ST8SIA1: variants seen among roughly 807,000 people sequenced by gnomAD.
ST8SIA1 encodes alpha-N-acetylneuraminide alpha-2,8-sialyltransferase.
ST8SIA1 carries 16 observed loss-of-function variants against 35.9 expected under a neutral mutation model. The observed-to-expected ratio is 0.45, with a 90% confidence interval of 0.30 to 0.68. The LOEUF (loss-of-function observed/expected upper bound fraction) is 0.68. ST8SIA1 is among the 30% of genes least tolerant of loss of function. The pLI is 0.09. For synonymous variants in ST8SIA1, 170 were observed against 169.6 expected (o/e 1.00, Z -0.02); for missense variants, 383 against 453.6 (o/e 0.84, Z 1.41).
intron 2 of ST8SIA1, among the ~76,000 whole-genome samples, chr12:22,285,205 G>T (rs933515670): frequency 2.0e-5 from 3 of 152,184 alleles, no homozygotes; most frequent in Admixed American, 1.3e-4. Context: ...AGGAAGATTT[G>T]AAATGAGGAG....
At chr12:22,222,763 T>C (rs888037808) in intron 4 of ST8SIA1, among the ~76,000 whole-genome samples, 2 of 151,930 alleles carry the variant, frequency 1.3e-5, no homozygotes, top group Admixed American at 6.6e-5. Context: ...TAATATTAAG[T>C]AAGATTCTAA....
chr12:22,257,556 G>A (rs1223923006), intron 2 of ST8SIA1, among the ~76,000 whole-genome samples: 2 of 151,752 alleles, frequency 1.3e-5, no homozygotes, highest in Non-Finnish European at 2.9e-5. Flanking sequence ...GGTGATCAGG[G>A]AGGAGTTCAA....
intron 1 of ST8SIA1, among the ~76,000 whole-genome samples, chr12:22,299,759 T>C (rs1220085839): frequency 6.6e-6 from 1 of 152,120 alleles, no homozygotes; most frequent in Admixed American, 6.6e-5. Context: ...AAGTTCAACT[T>C]TTATTGCATC....
At chr12:22,237,813 ATTAT>A (rs1865493047) in intron 4 of ST8SIA1, among the ~76,000 whole-genome samples, 1 of 151,958 alleles carries the variant, frequency 6.6e-6, no homozygotes, top group Non-Finnish European at 1.5e-5. Flanking sequence ...TAAAATAATT[ATTAT>A]TTATTTATCA....
intron 1 of ST8SIA1, 101 bp from the exon 2 acceptor site, chr12:22,287,394 G>A: frequency 8.3e-7 from 1 of 1,209,512 alleles, no homozygotes; most frequent in Non-Finnish European, 1.1e-6. Context: ...TTACCTCAGT[G>A]CCAGCTCACA....
intron 4 of ST8SIA1, among the ~76,000 whole-genome samples, chr12:22,245,948 C>A (rs1310707962): frequency 6.6e-6 from 1 of 152,204 alleles, no homozygotes; most frequent in Non-Finnish European, 1.5e-5. Flanking sequence ...CCAGGGAGGG[C>A]ATGGAAGCTC....
At chr12:22,325,127 AG>A (rs1452389880) in intron 1 of ST8SIA1, 1 of 269,456 alleles carries the variant, frequency 3.7e-6, no homozygotes, top group East Asian at 6.8e-5. Flanking sequence ...AGTTTTCTAT[AG>A]TAAATATGTA....
chr12:22,322,386 T>C (rs1481856231), intron 1 of ST8SIA1, among the ~76,000 whole-genome samples: 1 of 152,210 alleles, frequency 6.6e-6, no homozygotes, highest in East Asian at 1.9e-4. Flanking sequence ...GCATCGAATA[T>C]ATATTTGTTG....
chr12:22,252,307 C>T (rs527423679), intron 3 of ST8SIA1, among the ~76,000 whole-genome samples: 5 of 152,246 alleles, frequency 3.3e-5, no homozygotes, highest in Admixed American at 6.5e-5. Flanking sequence ...ACCAGACATA[C>T]GACATGCTTT....
chr12:22,213,933 T>G (rs1300472249), intron 4 of ST8SIA1, among the ~76,000 whole-genome samples: 1 of 152,172 alleles, frequency 6.6e-6, no homozygotes, highest in Non-Finnish European at 1.5e-5. Context: ...TTGTTGAATA[T>G]TTATTATTTC....
intron 4 of ST8SIA1, among the ~76,000 whole-genome samples, chr12:22,218,417 A>G (rs994011033): frequency 4.6e-5 from 7 of 152,168 alleles, no homozygotes; most frequent in African/African-American, 1.7e-4. Flanking sequence ...CAGGAGTTCC[A>G]GACCAGCCTG....
chr12:22,253,012 T>C (rs988124088), intron 3 of ST8SIA1, among the ~76,000 whole-genome samples: 1 of 152,194 alleles, frequency 6.6e-6, no homozygotes, highest in Non-Finnish European at 1.5e-5. Context: ...AAACTAATAA[T>C]ACTCAAGAGC....
At chr12:22,324,950 A>C (rs1360390775) in intron 1 of ST8SIA1, 1 of 152,206 alleles carries the variant, frequency 6.6e-6, no homozygotes, top group Non-Finnish European at 1.5e-5. Context: ...GAAAATTCTA[A>C]AGGTATAATT....
At chr12:22,318,936 G>A (rs2135838760) in intron 1 of ST8SIA1, among the ~76,000 whole-genome samples, 1 of 152,194 alleles carries the variant, frequency 6.6e-6, no homozygotes, top group South Asian at 2.1e-4. Context: ...CCTAACCAAG[G>A]TCCTTAAGCT....
intron 1 of ST8SIA1, among the ~76,000 whole-genome samples, chr12:22,296,951 C>T (rs1364937604): frequency 6.6e-6 from 1 of 152,150 alleles, no homozygotes; most frequent in East Asian, 1.9e-4. Flanking sequence ...CAGGCAGTGA[C>T]TTATAATTGA....
intron 4 of ST8SIA1, among the ~76,000 whole-genome samples, chr12:22,234,432 C>T (rs1865453542): frequency 6.6e-6 from 1 of 152,060 alleles, no homozygotes; most frequent in African/African-American, 2.4e-5. Context: ...TTTCATCTGC[C>T]TTGTCTAGAC....
chr12:22,249,019 T>C lies in ST8SIA1; in HGVS notation c.571A>G (p.Ile191Val). The C allele has an allele frequency of 6.2e-7, 1 of 1,613,488 alleles. No individual in the cohort carries two copies. Among genetic ancestry groups the C allele is most frequent in the Non-Finnish European group, 8.5e-7 (1 of 1,179,456 alleles). The change falls in exon 4 of 5, where the codon ATA (isoleucine) becomes GTA (valine). Residue 191 changes from isoleucine to valine, a missense_variant. Coordinates refer to ENST00000396037, the MANE Select transcript of ST8SIA1 (RefSeq NM_003034.4). Reference sequence around the variant, plus strand: ...ATAAACTCTTACCTTTGCCGAATTATGCTGGGATTAGCTGTCACTAACTGA... The same window carrying C: ...ATAAACTCTTACCTTTGCCGAATTACGCTGGGATTAGCTGTCACTAACTGA... The part of the protein sequence containing the change: ...KSQLVTANPS[I>V]IRQRFQNLLW...
At chr12:22,202,153 T>C (rs1484662870) in intron 4 of ST8SIA1, 115 bp from the exon 5 acceptor site, 4 of 844,114 alleles carry the variant, frequency 4.7e-6, no homozygotes, top group East Asian at 2.6e-5. Flanking sequence ...ATGAAACACA[T>C]GAAAAACACT....
intron 1 of ST8SIA1, among the ~76,000 whole-genome samples, chr12:22,319,036 A>T (rs1866551838): frequency 6.6e-6 from 1 of 152,258 alleles, no homozygotes; most frequent in African/African-American, 2.4e-5. Context: ...GTAAGCATTC[A>T]TTAAATGCTA....
Sources: gnomAD v4.1 joint callset for allele counts (sites outside exome capture counted in the v4.1 genomes callset) on GRCh38, gnomAD v4.1.1 for gene constraint, MANE v1.5 for transcripts, NCBI Gene and HGNC (gene_info 2026-07-23, HGNC 2026-07-21) for gene names.